TMEM209: variants seen among roughly 807,000 people sequenced by gnomAD.
TMEM209 encodes the protein testicular tissue protein Li 202.
In TMEM209, 65 loss-of-function variants were observed where a neutral mutation model predicts 76.2. The observed-to-expected ratio is 0.85, with a 90% CI of 0.70 to 1.05. The LOEUF is 1.05. Ranked by LOEUF, TMEM209 falls within the 50% of genes least tolerant of loss-of-function variation. The pLI is 0.00. For missense variants in TMEM209, 623 were observed against 685.5 expected (o/e 0.91, Z 1.02); for synonymous variants, 239 against 237.6 (o/e 1.01, Z -0.06).
chr7:130,188,323 G>A (rs187264929), intron 6 of TMEM209, among the ~76,000 whole-genome samples: 14 of 152,180 alleles, frequency 9.2e-5, no homozygotes, highest in Admixed American at 4.6e-4. Context: ...TTGGCCAGGC[G>A]CAGTGACTCA....
At chr7:130,182,194 A>C (rs1797445128) in intron 8 of TMEM209, 2 of 152,862 alleles carry the variant, frequency 1.3e-5, no homozygotes, top group South Asian at 2.1e-4. Flanking sequence ...CGCCTGCCTC[A>C]GCCTCCCAAA....
At chr7:130,172,509 A>AT (rs536792749) in intron 13 of TMEM209, among the ~76,000 whole-genome samples, 4 of 151,760 alleles carry the variant, frequency 2.6e-5, no homozygotes, top group Admixed American at 6.6e-5. Flanking sequence ...TGCCCGGATA[A>AT]TTTTTTTTGT....
At position 130,205,385 on chromosome 7, in the gene TMEM209, C is replaced by T. The variant is rs1205593828; in HGVS notation, c.-10G>A. 1 of 1,613,842 alleles carries T rather than the reference C, an allele frequency of 6.2e-7. No homozygotes were observed. Among genetic ancestry groups the T allele is most frequent in the East Asian group, 2.2e-5 (1 of 44,870 alleles). ...CCCGAAAACGCACCATGTCCTCTGG[C>T]CGGAAAACGCAGGCTCGCGCCACTC... On this transcript the variant is annotated 5_prime_UTR_variant, in exon 1 of 15. Transcript: ENST00000397622.
At chr7:130,181,530 G>T in intron 9 of TMEM209, 93 bp downstream of exon 9, 1 of 1,080,616 alleles carries the variant, frequency 9.3e-7, no homozygotes, top group Non-Finnish European at 1.4e-6. Flanking sequence ...TCACCCCAAG[G>T]TAACAAAATA....
chr7:130,177,084 G>A (rs985069411), intron 10 of TMEM209, among the ~76,000 whole-genome samples: 1 of 151,154 alleles, frequency 6.6e-6, no homozygotes, highest in Non-Finnish European at 1.5e-5. Context: ...CAGGTGCAGT[G>A]ACCCACGCCT....
chr7:130,202,105 A>C lies in TMEM209; in HGVS notation c.332-14T>G. ...TAGTCTGTACAACTAGAAGGAAAAA[A>C]AAAGCAACATATGTGTATGTACCTT... On this transcript the variant is annotated splice_polypyrimidine_tract_variant and intron_variant, in intron 4 of 14. Coordinates refer to ENST00000397622, the MANE Select transcript of TMEM209 (RefSeq NM_032842.4). The C allele has an allele frequency of 6.2e-7, 1 of 1,602,672 alleles. No individual in the cohort carries two copies. Among genetic ancestry groups the C allele is most frequent in the African/African-American group, 1.3e-5 (1 of 74,294 alleles).
chr7:130,181,326 G>A (rs1020949216), intron 9 of TMEM209, among the ~76,000 whole-genome samples: 3 of 152,214 alleles, frequency 2.0e-5, no homozygotes, highest in Non-Finnish European at 2.9e-5. Context: ...AGAACAGGGG[G>A]TGACTGGTAA....
rs1005268021 is a variant in TMEM209 at position 130,173,816 on chromosome 7, G to A, written c.1459+9C>T. 8 of 1,611,626 alleles carry A rather than the reference G, an allele frequency of 5.0e-6. No homozygotes were observed. The African/African-American group carries it at 9.3e-5, about 19-fold the overall frequency. On this transcript the variant is annotated intron_variant, in intron 12 of 14. Coordinates refer to ENST00000397622, the MANE Select transcript of TMEM209 (RefSeq NM_032842.4). ...AATCTCAACACATTCTTTTAGGAGAGGTTTATACCTGGTTTATTTGGTGTC... is the reference window on the plus strand; with the variant it reads ...AATCTCAACACATTCTTTTAGGAGAAGTTTATACCTGGTTTATTTGGTGTC...
intron 14 of TMEM209, 22 bp from the exon 15 acceptor site, chr7:130,166,527 T>G (rs1401518910): frequency 1.4e-6 from 2 of 1,478,988 alleles, no homozygotes; most frequent in Admixed American, 2.6e-5. Context: ...AAAAAAATTT[T>G]TATTAGAATT....
chr7:130,188,007 T>G (rs1263796735), intron 6 of TMEM209, among the ~76,000 whole-genome samples: 1 of 151,966 alleles, frequency 6.6e-6, no homozygotes, highest in African/African-American at 2.4e-5. Context: ...CAAATAACAT[T>G]TAAAAAGTGT....
intron 7 of TMEM209, 135 bp from the exon 8 acceptor site, chr7:130,184,390 TAATA>T: frequency 3.3e-6 from 2 of 600,630 alleles, no homozygotes; most frequent in Non-Finnish European, 5.7e-6. Context: ...TTCATCTAAT[TAATA>T]TTCAGTAATT....
intron 10 of TMEM209, 77 bp from the exon 11 acceptor site, chr7:130,175,686 A>C: frequency 9.0e-7 from 1 of 1,107,642 alleles, no homozygotes; most frequent in Non-Finnish European, 1.3e-6. Flanking sequence ...AGGGAATATA[A>C]TAAGGGAAGC....
At position 130,165,725 on chromosome 7, in the gene TMEM209, C is replaced by T. The variant is rs1039071462; in HGVS notation, c.*726G>A. ...AAAAAAAAAAAAAAAAAAACTAAAT[C>T]AGCAATTTTCTTACTTTCTAAGTAC... On this transcript the variant is annotated 3_prime_UTR_variant, in exon 15 of 15. Coordinates refer to ENST00000397622, the MANE Select transcript of TMEM209 (RefSeq NM_032842.4). The T allele has an allele frequency of 2.0e-5, 3 of 146,534 alleles. No individual in the cohort carries two copies. Among genetic ancestry groups the T allele is most frequent in the Non-Finnish European group, 4.5e-5 (3 of 66,780 alleles). The allele number at this position is 146,534 out of a possible 1,614,324, so 9.1% of individuals were successfully genotyped here.
At chr7:130,175,382 G>C (rs983112638) in intron 11 of TMEM209, 130 bp downstream of exon 11, 2 of 800,916 alleles carry the variant, frequency 2.5e-6, no homozygotes, top group African/African-American at 3.5e-5. Flanking sequence ...GAGCACTTGA[G>C]CCCTGGGAGA....
At chr7:130,172,233 TAA>T (rs1797093423) in intron 13 of TMEM209, among the ~76,000 whole-genome samples, 1 of 152,248 alleles carries the variant, frequency 6.6e-6, no homozygotes, top group African/African-American at 2.4e-5. Context: ...ATGTTATTTT[TAA>T]AGTCTTAAAA....
At position 130,168,714 on chromosome 7, in the gene TMEM209, C is replaced by T. The variant is rs149454407; in HGVS notation, c.1631+1686G>A. Among the ~76,000 whole-genome samples, 491 of 152,188 alleles carry T rather than the reference C, an allele frequency of 3.2e-3. 4 individuals carry two copies. Among genetic ancestry groups the T allele is most frequent in the African/African-American group, 0.011 (466 of 41,522 alleles). ...GTGGAGTGGCTTATGCCTGTAATCC[C>T]AGCACGTTAGAAGGCCAAGGCAGGT... On this transcript the variant is annotated intron_variant, in intron 14 of 14. Transcript: ENST00000397622.
chr7:130,181,518 T>C, intron 9 of TMEM209, 105 bp downstream of exon 9: 1 of 929,878 alleles, frequency 1.1e-6, no homozygotes, highest in Non-Finnish European at 1.6e-6. Context: ...ATTTGGGGTT[T>C]TTCACCCCAA....
intron 14 of TMEM209, 59 bp from the exon 15 acceptor site, chr7:130,166,564 C>G (rs1796890147): frequency 1.7e-6 from 2 of 1,145,614 alleles, no homozygotes; most frequent in Admixed American, 5.9e-5. Context: ...AGGTCTTTTT[C>G]TAATAACAAA....
intron 3 of TMEM209, 108 bp from the exon 4 acceptor site, chr7:130,202,771 T>G: frequency 8.1e-7 from 1 of 1,229,684 alleles, no homozygotes; most frequent in South Asian, 2.0e-5. Context: ...TTATTCCTCA[T>G]AAAAACTATA....
Sources: gnomAD v4.1 joint callset for allele counts (sites outside exome capture counted in the v4.1 genomes callset) on GRCh38, gnomAD v4.1.1 for gene constraint, MANE v1.5 for transcripts, NCBI Gene and HGNC (gene_info 2026-07-23, HGNC 2026-07-21) for gene names.